CELF2: variants seen among roughly 807,000 people sequenced by gnomAD.
CELF2 encodes CUGBP Elav-like family member 2, also known as CUG triplet repeat RNA-binding protein 2.
A neutral mutation model predicts 62.6 loss-of-function variants in CELF2; 8 were observed. That is an observed-to-expected ratio of 0.13 (90% CI 0.07 to 0.23). The LOEUF (loss-of-function observed/expected upper bound fraction) is 0.23, where lower values mean the gene tolerates loss of function less well. Among genes scored for constraint, CELF2 ranks in the 10% least tolerant of loss-of-function variants. The pLI is 1.00. For synonymous variants in CELF2, 258 were observed against 250.0 expected, an observed-to-expected ratio of 1.03 and a Z score of -0.30; for missense variants, 333 against 671.0, an observed-to-expected ratio of 0.50 and a Z score of 5.56.
chr10:11,020,156 A>G (rs987123173), intron 1 of CELF2, among the ~76,000 whole-genome samples: 20 of 152,230 alleles, frequency 1.3e-4, no homozygotes, highest in Non-Finnish European at 1.2e-4. Flanking sequence ...GTCTCCTATG[A>G]AAATCCTAAC....
intron 1 of CELF2, among the ~76,000 whole-genome samples, chr10:10,806,832 T>C (rs1281466079): frequency 2.0e-5 from 3 of 152,162 alleles, no homozygotes; most frequent in Non-Finnish European, 4.4e-5. Flanking sequence ...ATGTGTAAGA[T>C]GGAAGGATCC....
chr10:10,508,191 C>T, the CELF2 span, among the ~76,000 whole-genome samples: 1 of 151,898 alleles, frequency 6.6e-6, no homozygotes. Flanking sequence ...AATATTCATG[C>T]TCCTTGCAAT....
At chr10:11,170,779 T>C (rs541376892) in intron 2 of CELF2, among the ~76,000 whole-genome samples, 2 of 152,306 alleles carry the variant, frequency 1.3e-5, no homozygotes, top group East Asian at 3.9e-4. Flanking sequence ...CTAGAATCAG[T>C]AGATAAATTA....
intron 2 of CELF2, among the ~76,000 whole-genome samples, chr10:10,949,500 C>T (rs1390219667): frequency 6.6e-6 from 1 of 151,950 alleles, no homozygotes; most frequent in African/African-American, 2.4e-5. Flanking sequence ...TTTTAAAAAC[C>T]TCACCCAGAG....
chr10:10,730,051 C>A, the CELF2 span, among the ~76,000 whole-genome samples: 3 of 152,170 alleles, frequency 2.0e-5, no homozygotes, highest in East Asian at 5.8e-4. Flanking sequence ...GAGAAAATGA[C>A]ACTATCCCAA....
the CELF2 span, among the ~76,000 whole-genome samples, chr10:10,472,428 T>C: frequency 6.6e-6 from 1 of 151,958 alleles, no homozygotes; most frequent in African/African-American, 2.4e-5. Context: ...TTTATAATTT[T>C]TCTATAAATT....
At chr10:10,769,499 A>T in the CELF2 span, among the ~76,000 whole-genome samples, 1 of 152,178 alleles carries the variant, frequency 6.6e-6, no homozygotes, top group Non-Finnish European at 1.5e-5. Flanking sequence ...GTGGTGGCTC[A>T]TGCCTGTAAT....
rs2083426248 is a variant in CELF2 at position 11,270,438 on chromosome 10, A to G, written c.619-228A>G. The stretch of plus-strand genomic sequence containing the variant: ...AGTTACTAATCAGAGCAAGAAAGCA[A>G]GTGACTTCACCGACCACCAGATCCC... On this transcript the variant is annotated intron_variant, in intron 6 of 12. Coordinates refer to ENST00000633077, the MANE Select transcript of CELF2 (RefSeq NM_001326342.2). This position sits in a 1 kb window ranked among gnomAD's most constrained non-coding sequence, Gnocchi z 5.8. Among the ~76,000 whole-genome samples, 1 of 152,232 alleles carries G rather than the reference A, an allele frequency of 6.6e-6. No individual in the cohort carries two copies. The highest frequency in any genetic ancestry group is 6.5e-5 in the Admixed American group (1 of 15,286).
intron 1 of CELF2, among the ~76,000 whole-genome samples, chr10:11,119,864 T>TCCCC (rs57433204): frequency 2.2e-4 from 25 of 112,162 alleles, no homozygotes; most frequent in African/African-American, 7.0e-4. Context: ...TGATTCCGCC[T>TCCCC]CCCCCCCCCC....
intron 1 of CELF2, among the ~76,000 whole-genome samples, chr10:11,093,118 CTTGTAATTGTCTCCTCTAGCTTT>C (rs1453877094): frequency 6.6e-6 from 1 of 152,196 alleles, no homozygotes; most frequent in Non-Finnish European, 1.5e-5. Flanking sequence ...GATGCAGTTA[CTTGTAATTGTCTCCTCTAGCTTT>C]TTTGCATCTG....
At chr10:10,869,445 C>G (rs2060593685) in intron 1 of CELF2, among the ~76,000 whole-genome samples, 1 of 151,946 alleles carries the variant, frequency 6.6e-6, no homozygotes, top group Non-Finnish European at 1.5e-5. Flanking sequence ...GCCCGTAATC[C>G]CAGCTACTTG....
chr10:10,633,526 T>A, the CELF2 span, among the ~76,000 whole-genome samples: 1 of 152,216 alleles, frequency 6.6e-6, no homozygotes, highest in African/African-American at 2.4e-5. Flanking sequence ...AAGATTTTTA[T>A]ATTAAATGTA....
Position 11,333,718 on chromosome 10 carries a change from T to C in CELF2, c.*4665T>C, listed in dbSNP as rs1291850863. On this transcript the variant is annotated 3_prime_UTR_variant, in exon 13 of 13. Transcript: ENST00000633077. ...ATTGTCTGAGAAAAGCCAAAGTTAATGCAACCTAGTGGAAACTGTAAGACC... is the reference window on the plus strand; with the variant it reads ...ATTGTCTGAGAAAAGCCAAAGTTAACGCAACCTAGTGGAAACTGTAAGACC... 2 of 152,630 alleles carry C rather than the reference T, an allele frequency of 1.3e-5. No homozygotes were observed. The highest frequency in any genetic ancestry group is 3.8e-4 in the East Asian group (2 of 5,204). 9.5% of individuals were successfully genotyped at this position (152,630 alleles called of 1,614,324 possible). A position where few individuals can be genotyped will look rare whatever the true frequency, so the allele number is the denominator to read the frequency against.
At chr10:11,123,684 C>T (rs2058169609) in intron 1 of CELF2, among the ~76,000 whole-genome samples, 2 of 152,168 alleles carry the variant, frequency 1.3e-5, no homozygotes, top group Non-Finnish European at 2.9e-5. Context: ...CAGAAAAGAG[C>T]CTGCTACCCC....
chr10:10,675,632 T>G, the CELF2 span, among the ~76,000 whole-genome samples: 1 of 152,152 alleles, frequency 6.6e-6, no homozygotes, highest in African/African-American at 2.4e-5. Flanking sequence ...CCTATAGTTC[T>G]TGAATATTCT....
At chr10:10,693,653 G>A in the CELF2 span, among the ~76,000 whole-genome samples, 1 of 148,360 alleles carries the variant, frequency 6.7e-6, no homozygotes, top group African/African-American at 2.5e-5. Flanking sequence ...GACTCTTTTT[G>A]GTTGGTAAGC....
At chr10:10,944,131 G>T (rs1479435987) in intron 2 of CELF2, 1 of 152,568 alleles carries the variant, frequency 6.6e-6, no homozygotes, top group East Asian at 1.9e-4. Context: ...TAACTGATCT[G>T]CAGTGTCCCT....
chr10:10,670,686 A>G, the CELF2 span, among the ~76,000 whole-genome samples: 2 of 152,222 alleles, frequency 1.3e-5, no homozygotes, highest in Admixed American at 6.5e-5. Context: ...AATGACATGT[A>G]TTCATCATTA....
At chr10:10,930,358 T>G (rs1436185866) in intron 2 of CELF2, among the ~76,000 whole-genome samples, 1 of 152,228 alleles carries the variant, frequency 6.6e-6, no homozygotes, top group Non-Finnish European at 1.5e-5. Context: ...AATAAAGCCC[T>G]GCCCTAATTT....
Sources: gnomAD v4.1 joint callset for allele counts (sites outside exome capture counted in the v4.1 genomes callset) on GRCh38, gnomAD v4.1.1 for gene constraint, Gnocchi (gnomAD v3.1) non-coding constraint, MANE v1.5 for transcripts, NCBI Gene and HGNC (gene_info 2026-07-23, HGNC 2026-07-21) for gene names.